Variants in MAGI2 observed in about 807,000 individuals in gnomAD.
The protein encoded by MAGI2 is membrane associated guanylate kinase, WW and PDZ domain containing 2, also known as membrane-associated guanylate kinase, WW and PDZ domain-containing protein 2.
Under a neutral mutation model 133.3 loss-of-function variants are expected in MAGI2, and 35 were observed. The ratio of observed to expected loss-of-function variants is 0.26; its 90% CI spans 0.20 to 0.35. The LOEUF is 0.35. Ranked by LOEUF, MAGI2 falls within the 10% of genes least tolerant of loss-of-function variation. MAGI2 has a pLI of 1.00. For missense variants in MAGI2, 1,636 were observed against 1,863.4 expected (o/e 0.88, Z 2.25); for synonymous variants, 729 against 710.6 (o/e 1.03, Z -0.41).
At chr7:78,922,538 C>A (rs1194401363) in intron 2 of MAGI2, among the ~76,000 whole-genome samples, 10 of 151,836 alleles carry the variant, frequency 6.6e-5, no homozygotes, top group Admixed American at 6.6e-4. Flanking sequence ...TTTTTTATGG[C>A]TGCATAGTAT....
At chr7:79,239,672 A>G (rs1832231726) in intron 1 of MAGI2, among the ~76,000 whole-genome samples, 1 of 152,226 alleles carries the variant, frequency 6.6e-6, no homozygotes, top group Non-Finnish European at 1.5e-5. Context: ...CTGGACATAA[A>G]CAATCTCACA....
rs141124668 is a variant in MAGI2 at position 78,481,433 on chromosome 7, G to A, written c.1045+8328C>T. 1.6e-3 allele frequency among the ~76,000 whole-genome samples: 237 copies of A among 152,040 alleles called. 1 individual carries two copies. The highest frequency in any genetic ancestry group is 5.5e-3 in the African/African-American group (229 of 41,520). ...CATAATTCAGTCATTTCCCTCTCTT[G>A]ACACATGGGAATTACAGGTCCTTCC... On this transcript the variant is annotated intron_variant, in intron 6 of 21. Transcript: ENST00000354212.
At chr7:78,070,085 C>G (rs1814322825) in intron 21 of MAGI2, among the ~76,000 whole-genome samples, 1 of 141,432 alleles carries the variant, frequency 7.1e-6, no homozygotes, top group Admixed American at 7.4e-5. Flanking sequence ...TTCTTGGTCA[C>G]TATAAACACA....
chr7:78,219,917 C>T (rs187209217), intron 10 of MAGI2, among the ~76,000 whole-genome samples: 2 of 152,346 alleles, frequency 1.3e-5, no homozygotes, highest in Admixed American at 1.3e-4. Context: ...CTATTCCTGT[C>T]CTGCCCAATC....
Position 78,808,262 on chromosome 7 carries a change from T to C in MAGI2, c.419-181023A>G, listed in dbSNP as rs1208256968. Reference sequence around the variant, plus strand: ...ATTTTTATTTATTTACTTTTTAATTTATTATTTTTTTTGAGACAGAGTCTC... The same window carrying C: ...ATTTTTATTTATTTACTTTTTAATTCATTATTTTTTTTGAGACAGAGTCTC... On this transcript the variant is annotated intron_variant, in intron 2 of 21. Transcript: ENST00000354212. 3.9e-5 allele frequency among the ~76,000 whole-genome samples: 6 copies of C among 152,252 alleles called. No individual in the cohort carries two copies. The East Asian group carries it at 1.2e-3, about 29-fold the overall frequency.
At chr7:78,322,959 C>G (rs1351031792) in intron 9 of MAGI2, among the ~76,000 whole-genome samples, 2 of 150,410 alleles carry the variant, frequency 1.3e-5, no homozygotes, top group Non-Finnish European at 2.9e-5. Flanking sequence ...TTATAACTGA[C>G]TTGGAAGTCC....
At chr7:78,463,169 C>T (rs1161926807) in intron 6 of MAGI2, among the ~76,000 whole-genome samples, 1 of 152,150 alleles carries the variant, frequency 6.6e-6, no homozygotes, top group Non-Finnish European at 1.5e-5. Context: ...CATCTATATC[C>T]AAAAAGATGT....
At chr7:78,109,303 C>CAGAAAAAA (rs1819076817) in intron 20 of MAGI2, among the ~76,000 whole-genome samples, 1 of 19,944 alleles carries the variant, frequency 5.0e-5, no homozygotes, top group Non-Finnish European at 8.5e-5. Flanking sequence ...GACTCCGTCT[C>CAGAAAAAA]AAAAAAAAAA....
At chr7:79,096,498 G>T (rs1421898379) in intron 1 of MAGI2, among the ~76,000 whole-genome samples, 2 of 152,092 alleles carry the variant, frequency 1.3e-5, no homozygotes, top group African/African-American at 4.8e-5. Context: ...TTTACAAAGA[G>T]CATTTCCTTC....
At chr7:79,325,234 CT>C (rs1477261649) in intron 1 of MAGI2, among the ~76,000 whole-genome samples, 1 of 152,034 alleles carries the variant, frequency 6.6e-6, no homozygotes, top group Non-Finnish European at 1.5e-5. Flanking sequence ...CGCCCAGCCC[CT>C]AACCCTCCAC....
intron 1 of MAGI2, among the ~76,000 whole-genome samples, chr7:79,157,256 G>C (rs184562329): frequency 6.6e-6 from 1 of 152,142 alleles, no homozygotes; most frequent in Non-Finnish European, 1.5e-5. Context: ...GCACCCTTAG[G>C]TGACTGGGGA....
intron 21 of MAGI2, 62 bp downstream of exon 21, chr7:78,078,885 C>G: frequency 6.2e-7 from 1 of 1,600,600 alleles, no homozygotes; most frequent in Non-Finnish European, 8.5e-7. Context: ...TTATAAATAA[C>G]CATAAGCATT....
At position 78,521,718 on chromosome 7, in the gene MAGI2, AATTAT is replaced by A. The variant is rs570507785; in HGVS notation, c.539-78_539-74del. 10 of 1,257,816 alleles carry A rather than the reference AATTAT, an allele frequency of 8.0e-6. No homozygotes were observed. The African/African-American group carries it at 1.0e-4, about 13-fold the overall frequency. The allele number at this position is 1,257,816 out of a possible 1,614,324, so 77.9% of individuals were successfully genotyped here. ...ATGTACATAATTTGTGAAGAATGGA[AATTAT>A]ATTAACACATTTTTATCCTATTTTA... is the stretch of plus-strand genomic sequence containing the variant. On this transcript the variant is annotated intron_variant, in intron 3 of 21. Transcript: ENST00000354212.
intron 1 of MAGI2, among the ~76,000 whole-genome samples, chr7:79,042,586 C>A (rs992181737): frequency 1.3e-5 from 2 of 152,124 alleles, no homozygotes; most frequent in Non-Finnish European, 2.9e-5. Flanking sequence ...CACCCAGATT[C>A]ATAAAATAGC....
chr7:79,175,576 T>C (rs1233155077), intron 1 of MAGI2, among the ~76,000 whole-genome samples: 1 of 151,974 alleles, frequency 6.6e-6, no homozygotes, highest in Non-Finnish European at 1.5e-5. Context: ...ACAAGGATAG[T>C]TCTGAGAAAT....
At chr7:78,556,036 A>G (rs909112262) in intron 3 of MAGI2, among the ~76,000 whole-genome samples, 5 of 152,186 alleles carry the variant, frequency 3.3e-5, no homozygotes, top group Non-Finnish European at 7.3e-5. Flanking sequence ...TAAATTCAAT[A>G]TATGTTAGCA....
intron 1 of MAGI2, among the ~76,000 whole-genome samples, chr7:79,221,641 G>A (rs1388493985): frequency 6.6e-6 from 1 of 151,912 alleles, no homozygotes; most frequent in East Asian, 1.9e-4. Flanking sequence ...TAAATACAAG[G>A]TTCATCAGAT....
intron 2 of MAGI2, among the ~76,000 whole-genome samples, chr7:78,834,852 G>A (rs1791479570): frequency 6.6e-6 from 1 of 152,078 alleles, no homozygotes; most frequent in African/African-American, 2.4e-5. Context: ...ATCTGATTGT[G>A]TAAAACTGTG....
At chr7:78,296,579 C>T (rs528264606) in intron 9 of MAGI2, among the ~76,000 whole-genome samples, 3 of 152,252 alleles carry the variant, frequency 2.0e-5, no homozygotes, top group African/African-American at 4.8e-5. Flanking sequence ...CTATGGTATG[C>T]CTTGTACCCA....
Sources: allele counts gnomAD v4.1 joint callset (sites outside exome capture counted in the v4.1 genomes callset), GRCh38; gene constraint gnomAD v4.1.1; transcripts MANE v1.5; gene names NCBI Gene and HGNC (gene_info 2026-07-23, HGNC 2026-07-21).